NRXN3: variants seen among roughly 807,000 people sequenced by gnomAD.
NRXN3 encodes the protein neurexin III.
A neutral mutation model predicts 137.6 loss-of-function variants in NRXN3; 32 were observed. That is an observed-to-expected ratio of 0.23 (90% CI 0.18 to 0.31). The LOEUF (loss-of-function observed/expected upper bound fraction) is 0.31. Among genes scored for constraint, NRXN3 ranks in the 10% least tolerant of loss-of-function variants. The pLI, the probability that NRXN3 is intolerant of heterozygous loss-of-function variation, is 1.00. For synonymous variants in NRXN3, 798 were observed against 784.5 expected (o/e 1.02, Z -0.29); for missense variants, 1,574 against 2,062.5 (o/e 0.76, Z 4.59).
In NRXN3 at chr14:79,621,802, A is replaced by G. The variant is rs374482514; in HGVS notation, c.3445-41976A>G. On this transcript the variant is annotated intron_variant, in intron 16 of 20. Coordinates refer to ENST00000335750, the MANE Select transcript of NRXN3 (RefSeq NM_001330195.2). ...CAAAAATAGGATTTGGCTTAATCCA[A>G]CAGCTTTCTCAGTTACAATGCTTGC... 4.6e-5 allele frequency among the ~76,000 whole-genome samples: 7 copies of G among 152,356 alleles called. No homozygotes were observed. The East Asian group carries it at 1.4e-3, about 29-fold the overall frequency.
At chr14:78,854,697 G>T (rs1007737807) in intron 10 of NRXN3, among the ~76,000 whole-genome samples, 2 of 152,122 alleles carry the variant, frequency 1.3e-5, no homozygotes, top group African/African-American at 4.8e-5. Context: ...TAAATGAAAA[G>T]TTTCCTGGCT....
chr14:79,456,552 C>A (rs1020359080), intron 15 of NRXN3, among the ~76,000 whole-genome samples: 1 of 152,104 alleles, frequency 6.6e-6, no homozygotes, highest in Admixed American at 6.6e-5. Context: ...CATAGTGAAA[C>A]CCTGTCTCTA....
chr14:78,533,162 C>T (rs1208430015), intron 4 of NRXN3, among the ~76,000 whole-genome samples: 1 of 137,422 alleles, frequency 7.3e-6, no homozygotes. Flanking sequence ...TGCAGTGGTG[C>T]GATCTTGGCT....
At chr14:78,849,402 C>A (rs2099036533) in intron 10 of NRXN3, among the ~76,000 whole-genome samples, 1 of 151,958 alleles carries the variant, frequency 6.6e-6, no homozygotes, top group African/African-American at 2.4e-5. Context: ...AGCTGAAGGA[C>A]CAATGGCAGG....
intron 1 of NRXN3, among the ~76,000 whole-genome samples, chr14:78,199,004 T>C (rs1244211302): frequency 6.6e-6 from 1 of 152,180 alleles, no homozygotes; most frequent in East Asian, 1.9e-4. Flanking sequence ...GGAACAGGGC[T>C]CCTGGCTCCA....
chr14:78,232,400 A>AT (rs2065552001), intron 1 of NRXN3, among the ~76,000 whole-genome samples: 1 of 151,716 alleles, frequency 6.6e-6, no homozygotes, highest in Admixed American at 6.6e-5. Context: ...GGGCAGGCTT[A>AT]TTTTCTCTTG....
At chr14:79,770,533 A>G (rs1417597371) in intron 19 of NRXN3, among the ~76,000 whole-genome samples, 1 of 144,608 alleles carries the variant, frequency 6.9e-6, no homozygotes, top group Non-Finnish European at 1.5e-5. Flanking sequence ...TACTGGGTAC[A>G]TAACGAAATG....
intron 15 of NRXN3, among the ~76,000 whole-genome samples, chr14:79,031,959 T>C (rs1224127807): frequency 6.6e-6 from 1 of 152,012 alleles, no homozygotes; most frequent in Admixed American, 6.6e-5. Context: ...ATTCCTCCCC[T>C]CCGACCAAAA....
chr14:78,337,762 T>C (rs1362115465), intron 4 of NRXN3, among the ~76,000 whole-genome samples: 1 of 152,216 alleles, frequency 6.6e-6, no homozygotes, highest in Non-Finnish European at 1.5e-5. Context: ...GTATATATAG[T>C]ACTGATATTG....
chr14:78,516,412 G>A (rs12436458), intron 4 of NRXN3, among the ~76,000 whole-genome samples: 6,286 of 149,414 alleles, frequency 0.042, 188 homozygotes, highest in African/African-American at 0.067. Context: ...GCTGTGGAGA[G>A]TATAGATGAC....
intron 15 of NRXN3, among the ~76,000 whole-genome samples, chr14:78,993,115 G>A (rs564838454): frequency 1.1e-4 from 16 of 152,148 alleles, no homozygotes; most frequent in African/African-American, 2.9e-4. Context: ...AGTGTAAAGC[G>A]TCTTTTTCAG....
intron 8 of NRXN3, among the ~76,000 whole-genome samples, chr14:78,739,003 A>ACTGTCT (rs967400647): frequency 6.6e-6 from 1 of 152,186 alleles, no homozygotes; most frequent in Admixed American, 6.5e-5. Flanking sequence ...TGCTTACCAC[A>ACTGTCT]CTGTCTCTGT....
At chr14:79,128,724 A>G (rs2056972993) in intron 15 of NRXN3, among the ~76,000 whole-genome samples, 1 of 151,884 alleles carries the variant, frequency 6.6e-6, no homozygotes, top group Non-Finnish European at 1.5e-5. Flanking sequence ...CTCTTTTTCT[A>G]TTGATTGGAA....
At chr14:79,705,665 G>A (rs769919399) in intron 19 of NRXN3, among the ~76,000 whole-genome samples, 1 of 152,006 alleles carries the variant, frequency 6.6e-6, no homozygotes, top group Non-Finnish European at 1.5e-5. Flanking sequence ...TCCTCTGCCT[G>A]CAGCAGCCCT....
intron 4 of NRXN3, among the ~76,000 whole-genome samples, chr14:78,454,778 G>A (rs1335167370): frequency 6.6e-6 from 1 of 152,252 alleles, no homozygotes; most frequent in African/African-American, 2.4e-5. Flanking sequence ...AGAGAAGAGT[G>A]TGTCTGGCAG....
At chr14:78,742,913 A>G (rs188630699) in intron 8 of NRXN3, among the ~76,000 whole-genome samples, 10 of 152,322 alleles carry the variant, frequency 6.6e-5, no homozygotes, top group Non-Finnish European at 1.3e-4. Context: ...AAATAAACTC[A>G]AGACACCATC....
rs3919592 is a variant in NRXN3 at position 78,819,320 on chromosome 14, A to T, written c.2275+8976A>T. On this transcript the variant is annotated intron_variant, in intron 10 of 20. Coordinates refer to ENST00000335750, the MANE Select transcript of NRXN3 (RefSeq NM_001330195.2). ...GGTTCTGCATCTGCAGATTCAACTA[A>T]CAAAAAAATTGAAAATAATTTTAAA... 0.019 allele frequency among the ~76,000 whole-genome samples: 2,887 copies of T among 152,290 alleles called. 208 individuals are homozygous for T. In the East Asian group the frequency reaches 0.26, roughly 14 times the overall value.
intron 15 of NRXN3, among the ~76,000 whole-genome samples, chr14:79,259,709 TACACACACAC>T (rs71131688): frequency 0.015 from 2,053 of 139,740 alleles, 50 homozygotes; most frequent in African/African-American, 0.051. Context: ...TATAGTTTTA[TACACACACAC>T]ACACACACAC....
intron 10 of NRXN3, among the ~76,000 whole-genome samples, chr14:78,855,178 T>C (rs154300): frequency 0.26 from 38,646 of 150,476 alleles, 7,579 homozygotes; most frequent in African/African-American, 0.54. Context: ...AAAAAAAACA[T>C]ACAAAAAAGG....
Sources: allele counts gnomAD v4.1 joint callset (sites outside exome capture counted in the v4.1 genomes callset), GRCh38; gene constraint gnomAD v4.1.1; transcripts MANE v1.5; gene names NCBI Gene and HGNC (gene_info 2026-07-23, HGNC 2026-07-21).